The following MYO1B variants were observed in gnomAD, a reference collection of about 807,000 sequenced individuals.
MYO1B encodes unconventional myosin-Ib.
A neutral mutation model predicts 159.7 loss-of-function variants in MYO1B; 72 were observed. That is an observed-to-expected ratio of 0.45 (90% CI 0.37 to 0.55). The LOEUF (loss-of-function observed/expected upper bound fraction) is 0.55, where lower values mean the gene tolerates loss of function less well. Among genes scored for constraint, MYO1B ranks in the 20% least tolerant of loss-of-function variants. The pLI, the probability that MYO1B is intolerant of heterozygous loss-of-function variation, is 0.00. For synonymous variants in MYO1B, 468 were observed against 473.8 expected, an observed-to-expected ratio of 0.99 and a Z score of 0.16; for missense variants, 1,062 against 1,364.8, an observed-to-expected ratio of 0.78 and a Z score of 3.50.
intron 2 of MYO1B, among the ~76,000 whole-genome samples, chr2:191,289,421 A>G (rs1688569892): frequency 6.6e-6 from 1 of 151,998 alleles, no homozygotes; most frequent in Non-Finnish European, 1.5e-5. Context: ...ATGGACATTA[A>G]GATAGAGAAT....
intron 5 of MYO1B, among the ~76,000 whole-genome samples, chr2:191,343,073 C>A (rs1379548129): frequency 6.6e-6 from 1 of 152,120 alleles, no homozygotes; most frequent in Non-Finnish European, 1.5e-5. Flanking sequence ...TCTCTGACCT[C>A]TGTTAGCTGC....
chr2:191,297,712 AT>A (rs1355394801), intron 3 of MYO1B, among the ~76,000 whole-genome samples: 1 of 152,192 alleles, frequency 6.6e-6, no homozygotes, highest in Non-Finnish European at 1.5e-5. Flanking sequence ...TAAGCTGGCA[AT>A]TTGGGTCACT....
intron 7 of MYO1B, among the ~76,000 whole-genome samples, chr2:191,358,653 G>A (rs2126003917): frequency 6.6e-6 from 1 of 152,246 alleles, no homozygotes; most frequent in Admixed American, 6.5e-5. Flanking sequence ...TTTGTGTCTT[G>A]ACCTACTACA....
At chr2:191,353,521 C>G (rs1391121016) in intron 7 of MYO1B, among the ~76,000 whole-genome samples, 5 of 152,186 alleles carry the variant, frequency 3.3e-5, no homozygotes, top group African/African-American at 4.8e-5. Context: ...GACAGGTCGT[C>G]TTGTTCACAT....
intron 3 of MYO1B, among the ~76,000 whole-genome samples, chr2:191,328,019 A>G (rs1054794035): frequency 4.6e-5 from 7 of 152,166 alleles, no homozygotes; most frequent in African/African-American, 1.7e-4. Context: ...TTGTAGGAGA[A>G]CATGATGAGA....
intron 30 of MYO1B, among the ~76,000 whole-genome samples, chr2:191,418,024 TAATGTGGCCACATGAAGA>T (rs1697684065): frequency 1.3e-5 from 2 of 152,236 alleles, no homozygotes; most frequent in Admixed American, 1.3e-4. Context: ...CGAAGATTTA[TAATGTGGCCACATGAAGA>T]AAACAAACAT....
chr2:191,321,494 G>A (rs1304598550), intron 3 of MYO1B, among the ~76,000 whole-genome samples: 1 of 152,164 alleles, frequency 6.6e-6, no homozygotes, highest in Non-Finnish European at 1.5e-5. Flanking sequence ...GTATTAAAAG[G>A]TGATTGTTAG....
At position 191,409,277 on chromosome 2, in the gene MYO1B, C is replaced by T. The variant is rs115527788; in HGVS notation, c.2766+99C>T. 149 of 1,313,870 alleles carry T rather than the reference C, an allele frequency of 1.1e-4. No homozygotes were observed. In the African/African-American group the frequency reaches 2.0e-3, roughly 18 times the overall value. The allele number at this position is 1,313,870 out of a possible 1,614,324, so 81.4% of individuals were successfully genotyped here. A position where few individuals can be genotyped will look rare whatever the true frequency, so the allele number is the denominator to read the frequency against. ...AAACTGTTAACACATTCTTCCTTTG[C>T]CTCAAAGAGGATTACTTGAGGACTT... On this transcript the variant is annotated intron_variant, in intron 26 of 30. Transcript: ENST00000392318.
intron 3 of MYO1B, among the ~76,000 whole-genome samples, chr2:191,303,568 G>A (rs1234827159): frequency 6.6e-6 from 1 of 152,128 alleles, no homozygotes; most frequent in African/African-American, 2.4e-5. Context: ...CTGGGATACA[G>A]CAGTGAACAA....
chr2:191,252,710 T>C (rs1448354409), intron 1 of MYO1B, among the ~76,000 whole-genome samples: 1 of 152,176 alleles, frequency 6.6e-6, no homozygotes, highest in Admixed American at 6.5e-5. Flanking sequence ...AGTTGTAACC[T>C]CTTGCTTAGT....
intron 1 of MYO1B, among the ~76,000 whole-genome samples, chr2:191,270,854 G>T (rs1052429979): frequency 6.6e-6 from 1 of 152,190 alleles, no homozygotes; most frequent in Admixed American, 6.5e-5. Flanking sequence ...CCTGCCCTTT[G>T]TTGATAATAT....
At chr2:191,319,376 T>C (rs577801106) in intron 3 of MYO1B, among the ~76,000 whole-genome samples, 1 of 152,318 alleles carries the variant, frequency 6.6e-6, no homozygotes, top group Non-Finnish European at 1.5e-5. Context: ...TCAGTCACTC[T>C]AGGCCTGGAG....
intron 20 of MYO1B, among the ~76,000 whole-genome samples, chr2:191,396,196 C>A (rs965102017): frequency 2.0e-5 from 3 of 152,106 alleles, no homozygotes; most frequent in African/African-American, 7.2e-5. Flanking sequence ...GATAATAATG[C>A]TGTGTCCTGA....
At chr2:191,388,045 A>G (rs1695500863) in intron 17 of MYO1B, 1 of 154,176 alleles carries the variant, frequency 6.5e-6, no homozygotes, top group Admixed American at 6.4e-5. Flanking sequence ...ACACTTAGGG[A>G]GGCGGAGGCA....
intron 13 of MYO1B, 62 bp downstream of exon 13, chr2:191,370,354 C>G: frequency 3.5e-6 from 4 of 1,151,660 alleles, no homozygotes; most frequent in Non-Finnish European, 5.2e-6. Context: ...AAATTAAATC[C>G]TGTATTATGT....
At chr2:191,254,433 C>T (rs550534917) in intron 1 of MYO1B, among the ~76,000 whole-genome samples, 1 of 152,136 alleles carries the variant, frequency 6.6e-6, no homozygotes, top group Non-Finnish European at 1.5e-5. Context: ...TGATCTCGAA[C>T]TCCTGACCTC....
intron 2 of MYO1B, among the ~76,000 whole-genome samples, chr2:191,283,911 A>G (rs1279326711): frequency 6.6e-6 from 1 of 152,258 alleles, no homozygotes; most frequent in African/African-American, 2.4e-5. Flanking sequence ...TATTCCTGCC[A>G]TGTGTTGAGC....
chr2:191,296,089 T>C (rs112671606), intron 2 of MYO1B, 22 bp from the exon 3 acceptor site: 1 of 1,402,886 alleles, frequency 7.1e-7, no homozygotes, highest in Non-Finnish European at 1.0e-6. Context: ...CTAATGGGCA[T>C]GTTTTGTTCT....
At chr2:191,346,485 T>C (rs6747072) in intron 6 of MYO1B, among the ~76,000 whole-genome samples, 13,761 of 152,228 alleles carry the variant, frequency 0.09, 2,037 homozygotes, top group African/African-American at 0.31. Context: ...AAGCAATTTT[T>C]ATCATGTTTT....
Sources: allele counts gnomAD v4.1 joint callset (sites outside exome capture counted in the v4.1 genomes callset), GRCh38; gene constraint gnomAD v4.1.1; transcripts MANE v1.5; gene names NCBI Gene and HGNC (gene_info 2026-07-23, HGNC 2026-07-21).